The following TRERF1 variants were observed in gnomAD, a reference collection of about 807,000 sequenced individuals.
TRERF1 encodes transcriptional regulating factor 1.
TRERF1 carries 27 observed loss-of-function variants against 122.9 expected under a neutral mutation model. The ratio of observed to expected loss-of-function variants is 0.22; its 90% CI spans 0.16 to 0.30. The LOEUF is 0.30. Ranked by LOEUF, TRERF1 falls within the 10% of genes least tolerant of loss-of-function variation. The pLI is 1.00. For synonymous variants in TRERF1, 636 were observed against 641.7 expected (o/e 0.99, Z 0.13); for missense variants, 1,248 against 1,560.3 (o/e 0.80, Z 3.37).
intron 3 of TRERF1, among the ~76,000 whole-genome samples, chr6:42,332,791 C>T (rs972472529): frequency 1.3e-5 from 2 of 152,212 alleles, no homozygotes; most frequent in Admixed American, 6.5e-5. Context: ...AGTCTGCATT[C>T]TGGCCATTAA....
chr6:42,288,758 T>C (rs1331310202), intron 4 of TRERF1, among the ~76,000 whole-genome samples: 2 of 151,722 alleles, frequency 1.3e-5, no homozygotes, highest in African/African-American at 2.4e-5. Context: ...GGGCAAAGGC[T>C]CTGTGGCAGG....
chr6:42,377,211 T>A (rs112320867), intron 2 of TRERF1, among the ~76,000 whole-genome samples: 508 of 152,350 alleles, frequency 3.3e-3, no homozygotes, highest in Non-Finnish European at 5.9e-3. Flanking sequence ...CACTCTTTTT[T>A]AAAGTGTACA....
intron 2 of TRERF1, among the ~76,000 whole-genome samples, chr6:42,417,025 C>T (rs948080107): frequency 6.6e-6 from 1 of 152,172 alleles, no homozygotes; most frequent in African/African-American, 2.4e-5. Context: ...AGGACAACGC[C>T]CAGCCAGCCT....
chr6:42,236,259 C>A (rs1430599800), exon 16 of TRERF1: 1 of 1,612,784 alleles, frequency 6.2e-7, no homozygotes, highest in Non-Finnish European at 8.5e-7. Context: ...GGCCCAGGGC[C>A]TGCAGGGGCG....
chr6:42,302,472 GTTTGT>G (rs1031835054), intron 3 of TRERF1, among the ~76,000 whole-genome samples: 1 of 152,098 alleles, frequency 6.6e-6, no homozygotes, highest in African/African-American at 2.4e-5. Flanking sequence ...TCAAAGCCTT[GTTTGT>G]TTTGTTTTTT....
intron 3 of TRERF1, among the ~76,000 whole-genome samples, chr6:42,309,520 C>T (rs963803592): frequency 3.3e-5 from 5 of 152,178 alleles, no homozygotes; most frequent in African/African-American, 9.7e-5. Context: ...CTCTTTATGT[C>T]CCAGGCTTAG....
At position 42,281,989 on chromosome 6, in the gene TRERF1, C is replaced by A. The variant is rs190177458; in HGVS notation, c.-258-12141G>T. ...CCCTTAGGAACATCTGTGAGAATTT[C>A]TTTAGGATACATACCCAGGAGTAGA... On this transcript the variant is annotated intron_variant, in intron 4 of 17. Coordinates refer to ENST00000372922, the Ensembl canonical transcript of TRERF1. Among the ~76,000 whole-genome samples the A allele has an allele frequency of 3.3e-5, 5 of 152,302 alleles. No individual in the cohort carries two copies. The East Asian group carries it at 9.7e-4, about 29-fold the overall frequency.
chr6:42,294,541 T>C (rs1784794604), intron 4 of TRERF1, among the ~76,000 whole-genome samples: 1 of 152,056 alleles, frequency 6.6e-6, no homozygotes, highest in Non-Finnish European at 1.5e-5. Flanking sequence ...TATAATGAAA[T>C]GTTTTTAGAA....
At chr6:42,262,477 G>C (rs1271950260) in intron 8 of TRERF1, among the ~76,000 whole-genome samples, 4 of 3,622 alleles carry the variant, frequency 1.1e-3, no homozygotes, top group African/African-American at 2.4e-3. Context: ...GAGAGAGAGA[G>C]AGAGAGAGAG....
chr6:42,434,227 G>C (rs1337093806), intron 2 of TRERF1, among the ~76,000 whole-genome samples: 2 of 151,990 alleles, frequency 1.3e-5, no homozygotes, highest in Non-Finnish European at 2.9e-5. Context: ...AGGGAGGAGA[G>C]GATTAAACAG....
intron 2 of TRERF1, among the ~76,000 whole-genome samples, chr6:42,424,483 T>C (rs1453950760): frequency 6.6e-6 from 1 of 152,150 alleles, no homozygotes; most frequent in Non-Finnish European, 1.5e-5. Flanking sequence ...TGTTTATATA[T>C]AACAAGTGCA....
chr6:42,248,796 G>C (rs1300362938), intron 13 of TRERF1, among the ~76,000 whole-genome samples: 1 of 152,156 alleles, frequency 6.6e-6, no homozygotes, highest in African/African-American at 2.4e-5. Context: ...GGGGCTGGGG[G>C]TTTGGAGAAT....
chr6:42,356,741 A>G (rs1770628060), intron 3 of TRERF1, among the ~76,000 whole-genome samples: 1 of 151,496 alleles, frequency 6.6e-6, no homozygotes, highest in African/African-American at 2.4e-5. Context: ...CACCTGGCTA[A>G]TTTTTCTGTA....
chr6:42,425,184 C>T (rs1007734918), intron 2 of TRERF1, among the ~76,000 whole-genome samples: 1 of 152,120 alleles, frequency 6.6e-6, no homozygotes, highest in Non-Finnish European at 1.5e-5. Context: ...AGCCATGCTT[C>T]CTCAAAAACA....
At chr6:42,289,010 T>C (rs1259162189) in intron 4 of TRERF1, among the ~76,000 whole-genome samples, 1 of 149,724 alleles carries the variant, frequency 6.7e-6, no homozygotes, top group Non-Finnish European at 1.5e-5. Context: ...CACATGTAAC[T>C]GATCATATTT....
At chr6:42,371,884 T>G (rs1773835846) in intron 2 of TRERF1, among the ~76,000 whole-genome samples, 1 of 152,114 alleles carries the variant, frequency 6.6e-6, no homozygotes, top group Non-Finnish European at 1.5e-5. Flanking sequence ...TTTCCCTCCC[T>G]CAAAATCTCA....
At chr6:42,368,841 A>T (rs1252804335) in intron 2 of TRERF1, among the ~76,000 whole-genome samples, 2 of 152,204 alleles carry the variant, frequency 1.3e-5, no homozygotes, top group Admixed American at 1.3e-4. Context: ...TTTTAGTTAA[A>T]AAATGACTTC....
chr6:42,271,311 C>T (rs1049426088), intron 4 of TRERF1, among the ~76,000 whole-genome samples: 6 of 151,934 alleles, frequency 3.9e-5, no homozygotes, highest in Non-Finnish European at 7.4e-5. Flanking sequence ...CCCTCCTTTA[C>T]GAAAAGAAGG....
intron 2 of TRERF1, among the ~76,000 whole-genome samples, chr6:42,432,399 T>C (rs138593438): frequency 6.6e-6 from 1 of 152,330 alleles, no homozygotes; most frequent in East Asian, 1.9e-4. Context: ...AAAATATGAA[T>C]AAAATGCTTC....
Sources: gnomAD v4.1 joint callset for allele counts (sites outside exome capture counted in the v4.1 genomes callset) on GRCh38, gnomAD v4.1.1 for gene constraint, MANE v1.5 for transcripts, NCBI Gene and HGNC (gene_info 2026-07-23, HGNC 2026-07-21) for gene names.